Variants in PDE6C observed in about 807,000 individuals in gnomAD.
The protein encoded by PDE6C is phosphodiesterase 6C.
PDE6C carries 75 observed loss-of-function variants against 113.1 expected under a neutral mutation model. The observed-to-expected ratio is 0.66, with a 90% CI of 0.55 to 0.80. The LOEUF (loss-of-function observed/expected upper bound fraction) is 0.80. Ranked by LOEUF, PDE6C falls within the 30% of genes least tolerant of loss-of-function variation. PDE6C has a pLI of 0.00. For synonymous variants in PDE6C, 375 were observed against 363.7 expected, an observed-to-expected ratio of 1.03 and a Z score of -0.35; for missense variants, 912 against 1,038.6, an observed-to-expected ratio of 0.88 and a Z score of 1.67.
At chr10:93,627,258 CAAAAAAAAAAAA>C (rs57142181) in intron 7 of PDE6C, among the ~76,000 whole-genome samples, 4 of 52,580 alleles carry the variant, frequency 7.6e-5, no homozygotes, top group African/African-American at 2.5e-4. Context: ...TGAAACTCCA[CAAAAAAAAAAAA>C]AAAAAAAAAA....
chr10:93,619,739 C>T (rs1191566708), intron 1 of PDE6C, among the ~76,000 whole-genome samples: 2 of 152,166 alleles, frequency 1.3e-5, no homozygotes, highest in African/African-American at 2.4e-5. Flanking sequence ...GAATGTGAAC[C>T]TTTCATCAAA....
At position 93,629,401 on chromosome 10, in the gene PDE6C, C is replaced by T. The variant is rs115920237; in HGVS notation, c.1119+96C>T. ...CCACCCCCAGAGTCCGCCTGATGCT[C>T]AGGTGTGGCCACAGGCACACACGGG... On this transcript the variant is annotated intron_variant, in intron 8 of 21. Transcript: ENST00000371447. 2.1e-3 allele frequency: 1,904 copies of T among 917,790 alleles called. 22 individuals are homozygous for T. In the African/African-American group the frequency reaches 0.024, roughly 12 times the overall value. 56.9% of individuals were successfully genotyped at this position (917,790 alleles called of 1,614,324 possible). A position where few individuals can be genotyped will look rare whatever the true frequency, so the allele number is the denominator to read the frequency against.
Position 93,637,031 on chromosome 10 carries a change from G to T in PDE6C, c.1450G>T (p.Asp484Tyr). The T allele has an allele frequency of 6.2e-7, 1 of 1,604,740 alleles. No homozygotes were observed. The highest frequency in any genetic ancestry group is 1.1e-5 in the South Asian group (1 of 90,772). Residue 484 changes from aspartate to tyrosine, a missense_variant, in exon 11 of 22, where the codon GAC becomes TAC. Asp to Tyr is a radical substitution (Grantham distance 160, BLOSUM62 -3). Transcript: ENST00000371447. Reference sequence around the variant, plus strand: ...GAAGTTAAATGTTGATGTAATTGACGACTGTGAAGAAAAACAACTTGTTGC... The same window carrying T: ...GAAGTTAAATGTTGATGTAATTGACTACTGTGAAGAAAAACAACTTGTTGC... ...QEKLNVDVID[D>Y]CEEKQLVAIL...
rs764545832 is a variant in PDE6C, at chr10:93,654,764, TTC to T, written c.1936-994_1936-993del. ...TTATATACTCATTTTCTTTCTTTCT[TTC>T]TTTCTTTCTTTCTTTCTTTCTTTCT... On this transcript the variant is annotated intron_variant, in intron 15 of 21. Coordinates refer to ENST00000371447, the MANE Select transcript of PDE6C (RefSeq NM_006204.4). Among the ~76,000 whole-genome samples the T allele has an allele frequency of 1.2e-3, 52 of 44,114 alleles. 1 individual carries two copies. The highest frequency in any genetic ancestry group is 1.5e-3 in the Non-Finnish European group (37 of 24,224). 28.9% of individuals were successfully genotyped at this position (44,114 alleles called of 152,430 possible). A position where few individuals can be genotyped will look rare whatever the true frequency, so the allele number is the denominator to read the frequency against.
chr10:93,655,628 A>AT, intron 15 of PDE6C, 132 bp from the exon 16 acceptor site: 1 of 544,770 alleles, frequency 1.8e-6, no homozygotes, highest in Admixed American at 2.9e-5. Context: ...AAAAAAAAAA[A>AT]GGAAGGAAAA....
chr10:93,662,329 G>A (rs941149183), intron 19 of PDE6C, among the ~76,000 whole-genome samples, 196 bp downstream of exon 19: 3 of 151,826 alleles, frequency 2.0e-5, no homozygotes, highest in Non-Finnish European at 4.4e-5. Flanking sequence ...TGGTCATGGT[G>A]GTGCATGCCT....
At chr10:93,614,255 G>C (rs552496677) in intron 1 of PDE6C, among the ~76,000 whole-genome samples, 9 of 152,190 alleles carry the variant, frequency 5.9e-5, no homozygotes, top group Non-Finnish European at 8.8e-5. Flanking sequence ...TCTCCTAAAT[G>C]CCTCCTGAAG....
In PDE6C at chr10:93,645,993, T is replaced by C; in HGVS notation, c.1881T>C (p.Ser627=). ...STSPLARLHG[S]SILERHHLEY... ...CTCCATTAGCAAGACTTCATGGTTC[T>C]TCTATTTTGGAGAGGCACCACCTGG... Residue 627 remains serine (S), a synonymous_variant, in exon 15 of 22, where the codon TCT becomes TCC. Transcript: ENST00000371447. 1 of 1,609,578 alleles carries C rather than the reference T, an allele frequency of 6.2e-7. No individual in the cohort carries two copies. Among genetic ancestry groups the C allele is most frequent in the Non-Finnish European group, 8.5e-7 (1 of 1,175,986 alleles).
At chr10:93,621,023 T>G in intron 3 of PDE6C, 43 bp downstream of exon 3, 1 of 1,534,172 alleles carries the variant, frequency 6.5e-7, no homozygotes, top group Non-Finnish European at 9.0e-7. Flanking sequence ...TGACCTATTC[T>G]GACAAAGCCG....
intron 14 of PDE6C, among the ~76,000 whole-genome samples, chr10:93,645,355 GT>G (rs1393886325): frequency 6.6e-6 from 1 of 152,134 alleles, no homozygotes; most frequent in Admixed American, 6.5e-5. Flanking sequence ...TACCAGCCAT[GT>G]TTTTTATTTC....
rs141300536 is a variant in PDE6C, at chr10:93,652,433, G to A, written c.1936-3327G>A. Among the ~76,000 whole-genome samples, 478 of 152,240 alleles carry A rather than the reference G, an allele frequency of 3.1e-3. 3 individuals carry two copies. The highest frequency in any genetic ancestry group is 0.01 in the African/African-American group (434 of 41,548). ...TTTTTCAATTAGGAGGCTTGTACAT[G>A]TTTTTAGATAAAAATGAAAATGAGT... On this transcript the variant is annotated intron_variant, in intron 15 of 21. Transcript: ENST00000371447.
intron 15 of PDE6C, among the ~76,000 whole-genome samples, chr10:93,650,137 A>C (rs912421723): frequency 1.3e-5 from 2 of 152,210 alleles, no homozygotes; most frequent in South Asian, 4.1e-4. Context: ...AAGTGCAATC[A>C]CACAATTAGC....
Position 93,612,941 on chromosome 10 carries a change from G to C in PDE6C, c.216G>C (p.Glu72Asp). 6.2e-7 allele frequency: 1 copy of C among 1,613,938 alleles called. No homozygotes were observed. The highest frequency in any genetic ancestry group is 8.5e-7 in the Non-Finnish European group (1 of 1,179,966). ...AGCTGCTGTGGACCGTGCAGGAGGA[G>C]GGGGGCACCCCAGAGCAGGGGGTTC... Reference protein sequence around the residue: ...CLELLWTVQEEGGTPEQGVHR... With the variant: ...CLELLWTVQEDGGTPEQGVHR... The change falls in exon 1 of 22, where the codon GAG (glutamate) becomes GAC (aspartate). Residue 72 changes from glutamate to aspartate, a missense_variant. Coordinates refer to ENST00000371447, the MANE Select transcript of PDE6C (RefSeq NM_006204.4).
At chr10:93,644,901 G>GTATA (rs56271523) in intron 14 of PDE6C, among the ~76,000 whole-genome samples, 11,519 of 145,314 alleles carry the variant, frequency 0.079, 620 homozygotes, top group African/African-American at 0.14. Flanking sequence ...AGTATATATA[G>GTATA]TATATATACA....
chr10:93,621,703 A>G (rs2058447286), intron 3 of PDE6C, among the ~76,000 whole-genome samples: 1 of 152,180 alleles, frequency 6.6e-6, no homozygotes, highest in Non-Finnish European at 1.5e-5. Context: ...GGAACCAATC[A>G]TAGCTTCTCT....
intron 15 of PDE6C, among the ~76,000 whole-genome samples, chr10:93,648,722 G>A (rs1463561620): frequency 2.0e-5 from 3 of 152,062 alleles, no homozygotes; most frequent in Non-Finnish European, 4.4e-5. Context: ...ATGAATGAGT[G>A]GAAAACTTGT....
chr10:93,644,223 C>T (rs924210534), intron 14 of PDE6C, among the ~76,000 whole-genome samples: 2 of 152,090 alleles, frequency 1.3e-5, no homozygotes, highest in African/African-American at 4.8e-5. Flanking sequence ...TGGGCGATGT[C>T]CAGAAGATCT....
At chr10:93,637,294 T>A (rs942240529) in intron 11 of PDE6C, among the ~76,000 whole-genome samples, 2 of 152,150 alleles carry the variant, frequency 1.3e-5, no homozygotes, top group East Asian at 1.9e-4. Flanking sequence ...CAATTGTAGG[T>A]AGCCTAGACT....
At chr10:93,621,416 A>G (rs375350331) in intron 3 of PDE6C, among the ~76,000 whole-genome samples, 4 of 152,188 alleles carry the variant, frequency 2.6e-5, no homozygotes, top group Non-Finnish European at 5.9e-5. Flanking sequence ...CACTATTAGT[A>G]CCTAAGATAC....
Sources: gnomAD v4.1 joint callset for allele counts (sites outside exome capture counted in the v4.1 genomes callset) on GRCh38, gnomAD v4.1.1 for gene constraint, MANE v1.5 for transcripts, NCBI Gene and HGNC (gene_info 2026-07-23, HGNC 2026-07-21) for gene names.